The following NPAS3 variants were observed in gnomAD, a reference collection of about 807,000 sequenced individuals.
NPAS3 encodes neuronal PAS domain-containing protein 3.
In NPAS3, 14 loss-of-function variants were observed where a neutral mutation model predicts 73.1. The ratio of observed to expected loss-of-function variants is 0.19; its 90% CI spans 0.13 to 0.30. The LOEUF (loss-of-function observed/expected upper bound fraction) is 0.30, where lower values mean the gene tolerates loss of function less well. Ranked by LOEUF, NPAS3 falls within the 10% of genes least tolerant of loss-of-function variation. The pLI, the probability that NPAS3 is intolerant of heterozygous loss-of-function variation, is 1.00. For synonymous variants in NPAS3, 620 were observed against 541.5 expected, an observed-to-expected ratio of 1.14 and a Z score of -2.01; for missense variants, 1,096 against 1,250.0, an observed-to-expected ratio of 0.88 and a Z score of 1.86.
At chr14:33,673,241 C>T (rs968337165) in intron 5 of NPAS3, among the ~76,000 whole-genome samples, 1 of 152,204 alleles carries the variant, frequency 6.6e-6, no homozygotes, top group Non-Finnish European at 1.5e-5. Flanking sequence ...GTGCTACTAC[C>T]TGAGAGGTAA....
intron 3 of NPAS3, among the ~76,000 whole-genome samples, chr14:33,236,672 C>G (rs958808873): frequency 3.3e-5 from 5 of 152,080 alleles, no homozygotes; most frequent in Non-Finnish European, 5.9e-5. Context: ...AGTCAACTCC[C>G]TGTGACCTTG....
chr14:33,597,679 G>C (rs776093510), intron 5 of NPAS3, among the ~76,000 whole-genome samples: 1 of 152,250 alleles, frequency 6.6e-6, no homozygotes, highest in African/African-American at 2.4e-5. Flanking sequence ...TGGGAAGGCT[G>C]TGTCTAGGCA....
intron 1 of NPAS3, among the ~76,000 whole-genome samples, chr14:32,983,451 G>C (rs1016980356): frequency 5.3e-5 from 8 of 151,994 alleles, no homozygotes; most frequent in Non-Finnish European, 1.5e-5. Flanking sequence ...TTATTTTTGA[G>C]ATAAACACTT....
At chr14:33,487,083 G>A (rs538697061) in intron 4 of NPAS3, among the ~76,000 whole-genome samples, 4 of 152,236 alleles carry the variant, frequency 2.6e-5, no homozygotes, top group Non-Finnish European at 4.4e-5. Flanking sequence ...TTACATGTGA[G>A]GAAAGAAGAG....
chr14:32,968,065 G>T (rs1238345694), intron 1 of NPAS3, among the ~76,000 whole-genome samples: 1 of 152,118 alleles, frequency 6.6e-6, no homozygotes, highest in South Asian at 2.1e-4. Flanking sequence ...TAGAATAGTG[G>T]TTACCAGAGA....
intron 3 of NPAS3, among the ~76,000 whole-genome samples, chr14:33,330,113 C>T (rs1185453105): frequency 6.6e-6 from 1 of 151,914 alleles, no homozygotes; most frequent in Non-Finnish European, 1.5e-5. Flanking sequence ...TGTGGTGGTG[C>T]GTGTCTGTAG....
intron 1 of NPAS3, 57 bp downstream of exon 1, chr14:32,939,423 C>CCTCCGCCGCCGAGGGCCCCT: frequency 3.6e-6 from 2 of 559,642 alleles, no homozygotes; most frequent in Non-Finnish European, 6.4e-6. Context: ...GCCGCCGCCG[C>CCTCCGCCGCCGAGGGCCCCT]CTCCGCCGCC....
chr14:32,977,380 A>ACACACC (rs1347224452), intron 1 of NPAS3, among the ~76,000 whole-genome samples: 19 of 150,814 alleles, frequency 1.3e-4, no homozygotes, highest in African/African-American at 4.7e-4. Flanking sequence ...ACACACACAC[A>ACACACC]CCCCTAATCT....
intron 5 of NPAS3, among the ~76,000 whole-genome samples, chr14:33,645,251 A>C (rs888110629): frequency 6.6e-6 from 1 of 152,090 alleles, no homozygotes; most frequent in Admixed American, 6.5e-5. Context: ...ATCACCAAAA[A>C]CTCTGTGAAG....
At chr14:33,536,846 G>A (rs555078282) in intron 4 of NPAS3, among the ~76,000 whole-genome samples, 5 of 152,098 alleles carry the variant, frequency 3.3e-5, no homozygotes, top group Admixed American at 6.5e-5. Context: ...AGGTCCAAAG[G>A]TTTGACTAAG....
At chr14:33,703,071 C>T (rs966194845) in intron 6 of NPAS3, among the ~76,000 whole-genome samples, 2 of 152,048 alleles carry the variant, frequency 1.3e-5, no homozygotes, top group Non-Finnish European at 2.9e-5. Flanking sequence ...CTTTGGAAAT[C>T]GCATTAGTTG....
intron 3 of NPAS3, among the ~76,000 whole-genome samples, chr14:33,286,285 C>A (rs1353609914): frequency 6.6e-6 from 1 of 152,168 alleles, no homozygotes; most frequent in Non-Finnish European, 1.5e-5. Context: ...ATAATTATAT[C>A]TCATACTTGG....
chr14:33,060,852 T>C (rs1328088326), intron 2 of NPAS3, among the ~76,000 whole-genome samples: 4 of 152,206 alleles, frequency 2.6e-5, no homozygotes, highest in Non-Finnish European at 4.4e-5. Context: ...TCAGACACCA[T>C]GACAGGGCTT....
At chr14:33,589,502 G>A (rs76498830) in intron 5 of NPAS3, among the ~76,000 whole-genome samples, 3,244 of 152,264 alleles carry the variant, frequency 0.021, 128 homozygotes, top group East Asian at 0.19. Flanking sequence ...AAAGTTGCCT[G>A]AAATTAGTCA....
intron 1 of NPAS3, among the ~76,000 whole-genome samples, chr14:32,986,352 T>G (rs571314761): frequency 6.6e-6 from 1 of 152,306 alleles, no homozygotes; most frequent in African/African-American, 2.4e-5. Context: ...ATTTAAAATA[T>G]TTTGGATAGT....
In NPAS3 at chr14:33,651,239, G is replaced by A. The variant is rs375259383; in HGVS notation, c.559-24972G>A. The stretch of plus-strand genomic sequence containing the variant: ...AAAGTGCTGCACTCTGCCTTTGTAC[G>A]GGGACGTGCCACTCTGCATCAGTTA... On this transcript the variant is annotated intron_variant, in intron 5 of 11. Coordinates refer to ENST00000356141, the Ensembl canonical transcript of NPAS3. Among the ~76,000 whole-genome samples the A allele has an allele frequency of 8.5e-5, 13 of 152,180 alleles. No individual in the cohort carries two copies. The East Asian group carries it at 1.7e-3, about 20-fold the overall frequency.
At chr14:33,419,431 T>A (rs930681737) in intron 4 of NPAS3, among the ~76,000 whole-genome samples, 3 of 151,838 alleles carry the variant, frequency 2.0e-5, no homozygotes, top group Non-Finnish European at 4.4e-5. Flanking sequence ...TTGTTGTGGG[T>A]GATAGGTAAA....
intron 4 of NPAS3, among the ~76,000 whole-genome samples, chr14:33,548,765 T>C (rs1274963231): frequency 6.6e-6 from 1 of 152,154 alleles, no homozygotes; most frequent in East Asian, 1.9e-4. Context: ...CTGTGCTGCT[T>C]AGGAAAAAGC....
At chr14:33,287,538 T>C (rs2041926871) in intron 3 of NPAS3, among the ~76,000 whole-genome samples, 1 of 152,182 alleles carries the variant, frequency 6.6e-6, no homozygotes, top group African/African-American at 2.4e-5. Context: ...CCTCCTTGTT[T>C]ACTTACCTCA....
Sources: allele counts gnomAD v4.1 joint callset (sites outside exome capture counted in the v4.1 genomes callset), GRCh38; gene constraint gnomAD v4.1.1; transcripts MANE v1.5; gene names NCBI Gene and HGNC (gene_info 2026-07-23, HGNC 2026-07-21).